TENM4: variants seen among roughly 807,000 people sequenced by gnomAD.
The protein encoded by TENM4 is teneurin-4.
A neutral mutation model predicts 243.3 loss-of-function variants in TENM4; 82 were observed. The ratio of observed to expected loss-of-function variants is 0.34; its 90% CI spans 0.28 to 0.40. The LOEUF is 0.40. TENM4 is among the 10% of genes least tolerant of loss of function. The probability of loss-of-function intolerance (pLI) is 1.00; values close to 1 mark genes in which losing one functional copy is unlikely to be tolerated. For missense variants in TENM4, 3,138 were observed against 3,673.3 expected (o/e 0.85, Z 3.77); for synonymous variants, 1,412 against 1,456.3 (o/e 0.97, Z 0.69).
chr11:78,761,705 C>A (rs1022193234), intron 18 of TENM4, among the ~76,000 whole-genome samples: 2 of 147,374 alleles, frequency 1.4e-5, no homozygotes, highest in African/African-American at 2.5e-5. Flanking sequence ...CACACCCCCC[C>A]AGCCCCGACA....
intron 26 of TENM4, among the ~76,000 whole-genome samples, chr11:78,712,094 T>A (rs544528293): frequency 2.0e-5 from 3 of 152,332 alleles, no homozygotes; most frequent in African/African-American, 7.2e-5. Flanking sequence ...ACAGCATATA[T>A]GTCCAATAGT....
At chr11:78,953,780 TG>T (rs1299804497) in intron 6 of TENM4, among the ~76,000 whole-genome samples, 1 of 152,186 alleles carries the variant, frequency 6.6e-6, no homozygotes, top group African/African-American at 2.4e-5. Context: ...TTAGTATCCC[TG>T]GAGGTTGCTG....
At chr11:79,312,781 C>T (rs1171983972) in intron 1 of TENM4, among the ~76,000 whole-genome samples, 2 of 152,174 alleles carry the variant, frequency 1.3e-5, no homozygotes, top group African/African-American at 4.8e-5. Flanking sequence ...GAATGGACAC[C>T]TGCAGAGTGG....
At chr11:78,925,185 T>C (rs754199833) in intron 6 of TENM4, among the ~76,000 whole-genome samples, 2 of 152,170 alleles carry the variant, frequency 1.3e-5, no homozygotes, top group Non-Finnish European at 2.9e-5. Context: ...GCAAAGAGCG[T>C]CAACTGAGAT....
At chr11:79,291,029 C>T (rs1856347606) in intron 2 of TENM4, among the ~76,000 whole-genome samples, 1 of 152,130 alleles carries the variant, frequency 6.6e-6, no homozygotes, top group Non-Finnish European at 1.5e-5. Flanking sequence ...ATGGAAAAGA[C>T]AAACTCCAGC....
At position 78,728,437 on chromosome 11, in the gene TENM4, T is replaced by A. The variant is rs540098764; in HGVS notation, c.3406+939A>T. On this transcript the variant is annotated intron_variant, in intron 22 of 33. Coordinates refer to ENST00000278550, the MANE Select transcript of TENM4 (RefSeq NM_001098816.3). ...TAGGTGCTCAAGCAACATTCTTTTA[T>A]TTCCTTCCCACCTCTCTCCTCCTCT... Among the ~76,000 whole-genome samples the A allele has an allele frequency of 2.0e-5, 3 of 152,124 alleles. No individual in the cohort carries two copies. In the East Asian group the frequency reaches 5.8e-4, roughly 29 times the overall value.
At chr11:78,903,661 T>TACACG in intron 6 of TENM4, 138 bp from the exon 7 acceptor site, 1 of 1,343,094 alleles carries the variant, frequency 7.4e-7, no homozygotes, top group Non-Finnish European at 1.0e-6. Flanking sequence ...AATCAGTAAT[T>TACACG]ACACGACAGT....
At chr11:79,287,193 G>A (rs1274987419) in intron 2 of TENM4, among the ~76,000 whole-genome samples, 1 of 152,172 alleles carries the variant, frequency 6.6e-6, no homozygotes, top group East Asian at 1.9e-4. Context: ...TCATGAGAGT[G>A]TTCTCGTTTT....
chr11:79,037,053 A>G (rs1212224377), intron 6 of TENM4, among the ~76,000 whole-genome samples: 1 of 151,672 alleles, frequency 6.6e-6, no homozygotes, highest in Non-Finnish European at 1.5e-5. Flanking sequence ...AAAGAAAAAA[A>G]AGAAAATACA....
chr11:79,241,133 T>C (rs1864580141), intron 2 of TENM4, among the ~76,000 whole-genome samples: 1 of 152,116 alleles, frequency 6.6e-6, no homozygotes, highest in Non-Finnish European at 1.5e-5. Flanking sequence ...TCTTTTTTTT[T>C]TCAAGGAAAA....
At chr11:79,428,989 G>A (rs147453537) in intron 1 of TENM4, among the ~76,000 whole-genome samples, 76 of 152,320 alleles carry the variant, frequency 5.0e-4, no homozygotes, top group Middle Eastern at 3.4e-3. Context: ...GCAATCTGTG[G>A]TGGGGGCATG....
At chr11:79,230,442 C>T (rs367881250) in intron 2 of TENM4, among the ~76,000 whole-genome samples, 7 of 152,248 alleles carry the variant, frequency 4.6e-5, no homozygotes, top group South Asian at 4.1e-4. Flanking sequence ...CTCCAAGAAC[C>T]GTCCCCAATA....
At chr11:79,246,985 C>G (rs1482876409) in intron 2 of TENM4, among the ~76,000 whole-genome samples, 1 of 133,642 alleles carries the variant, frequency 7.5e-6, no homozygotes, top group Non-Finnish European at 1.6e-5. Flanking sequence ...TTGTATTTCT[C>G]AAAAAAAAAA....
intron 27 of TENM4, among the ~76,000 whole-genome samples, chr11:78,707,467 G>A (rs1046366100): frequency 6.6e-6 from 1 of 152,214 alleles, no homozygotes; most frequent in African/African-American, 2.4e-5. Context: ...AACAGGGTCC[G>A]TCCCTTCCTG....
rs571295770 is a variant in TENM4, at chr11:79,055,964, C to T, written c.493+8774G>A. ...AGCCTAAAATTGAAACCAGATTCATCCCTGGACTCCACACATCTGGCACTG... is the reference window on the plus strand; with the variant it reads ...AGCCTAAAATTGAAACCAGATTCATTCCTGGACTCCACACATCTGGCACTG... On this transcript the variant is annotated intron_variant, in intron 6 of 33. Transcript: ENST00000278550. Among the ~76,000 whole-genome samples the T allele has an allele frequency of 2.0e-5, 3 of 152,282 alleles. No individual in the cohort carries two copies. In the East Asian group the frequency reaches 5.8e-4, roughly 29 times the overall value.
chr11:78,854,091 G>A lies in TENM4; in HGVS notation c.1681+13C>T. ...CAATATCCCACAGCCCCCAGAGGGT[G>A]TGGCTCCCTTACCAATGGCAGTGGT... On this transcript the variant is annotated intron_variant, in intron 12 of 33. Coordinates refer to ENST00000278550, the MANE Select transcript of TENM4 (RefSeq NM_001098816.3). The A allele has an allele frequency of 6.5e-7, 1 of 1,550,354 alleles. No individual in the cohort carries two copies. The highest frequency in any genetic ancestry group is 8.7e-7 in the Non-Finnish European group (1 of 1,146,088).
At chr11:79,366,414 TAC>T (rs1857678542) in intron 1 of TENM4, among the ~76,000 whole-genome samples, 1 of 152,218 alleles carries the variant, frequency 6.6e-6, no homozygotes. Flanking sequence ...ACTGCTACTA[TAC>T]AGTTTGTAGG....
chr11:78,998,797 G>T (rs1858241193), intron 6 of TENM4, among the ~76,000 whole-genome samples: 1 of 152,196 alleles, frequency 6.6e-6, no homozygotes, highest in African/African-American at 2.4e-5. Flanking sequence ...GGTTCTGGTA[G>T]CATGAGGTCA....
chr11:79,117,651 C>T (rs1861650826), intron 4 of TENM4, among the ~76,000 whole-genome samples: 1 of 152,196 alleles, frequency 6.6e-6, no homozygotes. Flanking sequence ...GCACATTCTC[C>T]CTGGAGAGCA....
Sources: allele counts gnomAD v4.1 joint callset (sites outside exome capture counted in the v4.1 genomes callset), GRCh38; gene constraint gnomAD v4.1.1; transcripts MANE v1.5; gene names NCBI Gene and HGNC (gene_info 2026-07-23, HGNC 2026-07-21).